Variants in NRXN1 observed in about 807,000 individuals in gnomAD.
The protein encoded by NRXN1 is neurexin-1.
Under a neutral mutation model 150.9 loss-of-function variants are expected in NRXN1, and 39 were observed. The ratio of observed to expected loss-of-function variants is 0.26; its 90% confidence interval spans 0.20 to 0.34. The LOEUF (loss-of-function observed/expected upper bound fraction) is 0.34. Among genes scored for constraint, NRXN1 ranks in the 10% least tolerant of loss-of-function variants. The probability of loss-of-function intolerance (pLI) is 1.00; values close to 1 mark genes in which losing one functional copy is unlikely to be tolerated. For synonymous variants in NRXN1, 924 were observed against 757.0 expected (o/e 1.22, Z -3.62); for missense variants, 1,815 against 1,949.9 (o/e 0.93, Z 1.30).
At chr2:50,404,498 A>C (rs572041698) in intron 17 of NRXN1, among the ~76,000 whole-genome samples, 1 of 152,226 alleles carries the variant, frequency 6.6e-6, no homozygotes, top group Non-Finnish European at 1.5e-5. Context: ...TTTAAGACAC[A>C]AAGAGTTTTA....
chr2:50,522,766 C>G (rs1247879662), intron 12 of NRXN1, among the ~76,000 whole-genome samples: 1 of 109,058 alleles, frequency 9.2e-6, no homozygotes, highest in East Asian at 3.2e-4. Context: ...GAGTCTTGCT[C>G]TCTCACCCAG....
At chr2:50,504,140 T>TAAAAAAAAAAAAAAAAAAAAAAAAAAA (rs70948715) in intron 13 of NRXN1, among the ~76,000 whole-genome samples, 1 of 112,436 alleles carries the variant, frequency 8.9e-6, no homozygotes, top group African/African-American at 3.7e-5. Context: ...ACATGACAAC[T>TAAAAAAAAAAAAAAAAAAAAAAAAAAA]AAAAAAAAAA....
intron 5 of NRXN1, among the ~76,000 whole-genome samples, chr2:50,860,961 GAT>G (rs1482068588): frequency 6.6e-6 from 1 of 152,066 alleles, no homozygotes; most frequent in Non-Finnish European, 1.5e-5. Flanking sequence ...TTAAAAATGT[GAT>G]TCTCTTGACA....
At chr2:50,947,767 G>T (rs966073234) in intron 2 of NRXN1, among the ~76,000 whole-genome samples, 1 of 151,966 alleles carries the variant, frequency 6.6e-6, no homozygotes, top group Non-Finnish European at 1.5e-5. Flanking sequence ...TTAAAGCTAC[G>T]AAGGGTTTCC....
At chr2:50,556,995 C>T (rs537888430) in intron 8 of NRXN1, among the ~76,000 whole-genome samples, 1 of 152,208 alleles carries the variant, frequency 6.6e-6, no homozygotes, top group East Asian at 1.9e-4. Context: ...TGGCTTTCTC[C>T]TGTTGCAATT....
intron 2 of NRXN1, among the ~76,000 whole-genome samples, chr2:50,951,963 A>ATATATTTT (rs1387961788): frequency 5.5e-4 from 41 of 74,812 alleles, no homozygotes; most frequent in Non-Finnish European, 6.2e-4. Context: ...ATATATATAT[A>ATATATTTT]TTTTTTTTTT....
intron 13 of NRXN1, among the ~76,000 whole-genome samples, chr2:50,498,088 G>A (rs1011620942): frequency 6.6e-6 from 1 of 152,116 alleles, no homozygotes; most frequent in Non-Finnish European, 1.5e-5. Flanking sequence ...TAGGAGCAGT[G>A]ACTATTCTCA....
intron 17 of NRXN1, among the ~76,000 whole-genome samples, chr2:50,244,204 C>T (rs962454827): frequency 6.6e-6 from 1 of 151,740 alleles, no homozygotes; most frequent in Non-Finnish European, 1.5e-5. Flanking sequence ...ATTCATTCTT[C>T]TAAAAACAAG....
intron 17 of NRXN1, among the ~76,000 whole-genome samples, chr2:50,405,430 G>T (rs1000125677): frequency 2.0e-5 from 3 of 152,102 alleles, no homozygotes; most frequent in Non-Finnish European, 2.9e-5. Flanking sequence ...AGAAAATGAA[G>T]ATCTCTTAAG....
chr2:50,110,199 A>G (rs1702191447), intron 18 of NRXN1, among the ~76,000 whole-genome samples: 1 of 152,086 alleles, frequency 6.6e-6, no homozygotes, highest in Non-Finnish European at 1.5e-5. Flanking sequence ...ACTTAGAAAT[A>G]AAGAATGTTG....
intron 21 of NRXN1, among the ~76,000 whole-genome samples, chr2:50,030,455 T>A (rs1053140628): frequency 1.3e-5 from 2 of 152,168 alleles, no homozygotes; most frequent in Non-Finnish European, 2.9e-5. Flanking sequence ...AAACACTTTA[T>A]GTCATGCATA....
At chr2:50,854,047 C>A (rs978170006) in intron 5 of NRXN1, among the ~76,000 whole-genome samples, 1 of 151,960 alleles carries the variant, frequency 6.6e-6, no homozygotes, top group African/African-American at 2.4e-5. Context: ...TAATCTGAAA[C>A]CTCTTTAAGA....
At chr2:50,629,397 AT>A (rs1264562383) in intron 5 of NRXN1, among the ~76,000 whole-genome samples, 1 of 151,674 alleles carries the variant, frequency 6.6e-6, no homozygotes, top group Non-Finnish European at 1.5e-5. Context: ...TTCCATTTAT[AT>A]AAAAAATTTA....
chr2:50,140,610 G>A (rs901716486), intron 18 of NRXN1, among the ~76,000 whole-genome samples: 5 of 151,766 alleles, frequency 3.3e-5, no homozygotes, highest in African/African-American at 1.2e-4. Context: ...ACTTCCATTC[G>A]ATACTCTCCT....
intron 15 of NRXN1, among the ~76,000 whole-genome samples, chr2:50,487,538 T>C (rs933436361): frequency 2.0e-5 from 3 of 152,200 alleles, no homozygotes; most frequent in East Asian, 1.9e-4. Flanking sequence ...CCTGTGTGGA[T>C]AAAGATGGCA....
Position 50,446,665 on chromosome 2 carries a change from C to T in NRXN1, c.3364+18777G>A, listed in dbSNP as rs562210956. Among the ~76,000 whole-genome samples, 48 of 151,432 alleles carry T rather than the reference C, an allele frequency of 3.2e-4. No homozygotes were observed. In the South Asian group the frequency reaches 5.9e-3, roughly 19 times the overall value. On this transcript the variant is annotated intron_variant, in intron 17 of 22. Transcript: ENST00000401669. ...CTTTGTTCTCAATACTTAACATAAT[C>T]CTAAACCCATAGCAAATACTGAGTA... is the stretch of plus-strand genomic sequence containing the variant.
chr2:50,434,214 C>A (rs1254767121), intron 17 of NRXN1, among the ~76,000 whole-genome samples: 1 of 150,226 alleles, frequency 6.7e-6, no homozygotes, highest in Non-Finnish European at 1.5e-5. Flanking sequence ...CGCCCGCCAC[C>A]ATGCCCGGCT....
At chr2:50,257,964 A>G (rs907091184) in intron 17 of NRXN1, among the ~76,000 whole-genome samples, 1 of 152,054 alleles carries the variant, frequency 6.6e-6, no homozygotes, top group African/African-American at 2.4e-5. Context: ...AGTATGCAAC[A>G]GCATTATGTC....
chr2:51,011,945 C>T (rs1667945677), intron 2 of NRXN1, among the ~76,000 whole-genome samples: 1 of 151,906 alleles, frequency 6.6e-6, no homozygotes, highest in Non-Finnish European at 1.5e-5. Flanking sequence ...TCAATAGAAT[C>T]AAGAGAACTT....
Sources: allele counts gnomAD v4.1 joint callset (sites outside exome capture counted in the v4.1 genomes callset), GRCh38; gene constraint gnomAD v4.1.1; transcripts MANE v1.5; gene names NCBI Gene and HGNC (gene_info 2026-07-23, HGNC 2026-07-21).